The following CCDC7 variants were observed in gnomAD, a reference collection of about 807,000 sequenced individuals.
CCDC7 encodes coiled-coil domain containing 7.
In CCDC7, 183 loss-of-function variants were observed where a neutral mutation model predicts 196.9. That is an observed-to-expected ratio of 0.93 (90% CI 0.82 to 1.05). The LOEUF (loss-of-function observed/expected upper bound fraction) is 1.05, where lower values mean the gene tolerates loss of function less well. Ranked by LOEUF, CCDC7 falls within the 50% of genes least tolerant of loss-of-function variation. The probability of loss-of-function intolerance (pLI) is 0.00; values close to 1 mark genes in which losing one functional copy is unlikely to be tolerated. For synonymous variants in CCDC7, 525 were observed against 484.6 expected, an observed-to-expected ratio of 1.08 and a Z score of -1.10; for missense variants, 1,540 against 1,482.2, an observed-to-expected ratio of 1.04 and a Z score of -0.64.
chr10:32,783,463 T>G (rs929015394), intron 29 of CCDC7, among the ~76,000 whole-genome samples: 9 of 152,156 alleles, frequency 5.9e-5, no homozygotes, highest in African/African-American at 2.2e-4. Flanking sequence ...AAGATATCAC[T>G]TCATAGCCAT....
Position 32,845,643 on chromosome 10 carries a change from T to G in CCDC7, c.3520+17T>G. On this transcript the variant is annotated intron_variant, in intron 35 of 41. Transcript: ENST00000639629. ...GTCACCCAGGTAAGAGAAAACAATT[T>G]CAAGACTAATATTTATGGTTTATTT... 6.3e-7 allele frequency: 1 copy of G among 1,575,582 alleles called. No homozygotes were observed. The highest frequency in any genetic ancestry group is 2.2e-5 in the East Asian group (1 of 44,550).
At position 32,483,867 on chromosome 10, in the gene CCDC7, A is replaced by G. The variant is rs1258050649; in HGVS notation, c.797-8055A>G. Among the ~76,000 whole-genome samples, 2 of 152,066 alleles carry G rather than the reference A, an allele frequency of 1.3e-5. 1 individual carries two copies. The highest frequency in any genetic ancestry group is 4.2e-4 in the South Asian group (2 of 4,818). ...TCCATTGGTCTATATCTCTGTTTTG[A>G]TACCAGTACCATGCTGTTTTGGTTA... On this transcript the variant is annotated intron_variant, in intron 8 of 41. Transcript: ENST00000639629.
chr10:32,527,694 A>C (rs1181511460), intron 11 of CCDC7, among the ~76,000 whole-genome samples: 3 of 152,206 alleles, frequency 2.0e-5, no homozygotes, highest in Non-Finnish European at 4.4e-5. Context: ...CAGATGTGCG[A>C]AGGAGAACTG....
chr10:32,598,014 C>T (rs1474464895), intron 18 of CCDC7, among the ~76,000 whole-genome samples: 1 of 152,192 alleles, frequency 6.6e-6, no homozygotes. Flanking sequence ...CTGGGAGAAC[C>T]GCTACTCTCT....
At chr10:32,559,264 C>T (rs2054946250) in intron 13 of CCDC7, among the ~76,000 whole-genome samples, 1 of 152,252 alleles carries the variant, frequency 6.6e-6, no homozygotes, top group Non-Finnish European at 1.5e-5. Context: ...AACAAAAAGA[C>T]AGCAGTAACC....
chr10:32,788,587 C>T (rs1361460558), intron 29 of CCDC7, among the ~76,000 whole-genome samples: 2 of 152,178 alleles, frequency 1.3e-5, no homozygotes, highest in South Asian at 4.1e-4. Flanking sequence ...CTGGCTCTCA[C>T]AACTCCAGGC....
intron 31 of CCDC7, among the ~76,000 whole-genome samples, chr10:32,824,280 C>G (rs2090758693): frequency 6.6e-6 from 1 of 151,956 alleles, no homozygotes. Flanking sequence ...TTATTACTTG[C>G]TATATGGTCT....
chr10:32,503,871 C>T (rs2044448698), intron 9 of CCDC7, among the ~76,000 whole-genome samples: 1 of 146,426 alleles, frequency 6.8e-6, no homozygotes, highest in South Asian at 2.1e-4. Flanking sequence ...CCAGGAATTT[C>T]CTAATTTTCT....
chr10:32,696,481 GTT>G (rs111280727), intron 24 of CCDC7, among the ~76,000 whole-genome samples: 7 of 145,746 alleles, frequency 4.8e-5, no homozygotes, highest in Admixed American at 2.7e-4. Flanking sequence ...CTTGTTTTCT[GTT>G]TTTTTTTTTT....
intron 18 of CCDC7, among the ~76,000 whole-genome samples, chr10:32,604,787 T>G (rs751545125): frequency 6.6e-6 from 1 of 152,170 alleles, no homozygotes; most frequent in African/African-American, 2.4e-5. Context: ...TGCCATAAAT[T>G]TATTGAATTC....
chr10:32,532,771 A>T (rs879924706), intron 11 of CCDC7, among the ~76,000 whole-genome samples: 9 of 152,086 alleles, frequency 5.9e-5, no homozygotes, highest in Non-Finnish European at 1.0e-4. Flanking sequence ...AGTCTATTTT[A>T]TCTAAGTATA....
chr10:32,589,124 G>A (rs1362442089), intron 18 of CCDC7, among the ~76,000 whole-genome samples: 1 of 151,570 alleles, frequency 6.6e-6, no homozygotes, highest in East Asian at 1.9e-4. Flanking sequence ...CTGGTTTTGT[G>A]TACTCATCCT....
intron 8 of CCDC7, among the ~76,000 whole-genome samples, chr10:32,484,941 A>G (rs1174382142): frequency 6.6e-6 from 1 of 152,144 alleles, no homozygotes; most frequent in African/African-American, 2.4e-5. Context: ...TTCATCAGGG[A>G]TATTGGTCTA....
At chr10:32,758,745 A>G (rs1295627944) in intron 28 of CCDC7, among the ~76,000 whole-genome samples, 1 of 152,194 alleles carries the variant, frequency 6.6e-6, no homozygotes, top group African/African-American at 2.4e-5. Context: ...AGTTCTGGCC[A>G]GAGAAATCAG....
chr10:32,685,019 G>C (rs2076307265), intron 21 of CCDC7, among the ~76,000 whole-genome samples: 1 of 151,484 alleles, frequency 6.6e-6, no homozygotes, highest in Non-Finnish European at 1.5e-5. Flanking sequence ...AAATATGCGA[G>C]GTATACTTAG....
intron 25 of CCDC7, chr10:32,725,371 C>A (rs1317760034): frequency 6.4e-6 from 3 of 470,794 alleles, no homozygotes; most frequent in Non-Finnish European, 1.3e-5. Context: ...ACACTCTTGC[C>A]CAAGACTGAG....
At chr10:32,629,979 A>G (rs1464028912) in intron 18 of CCDC7, among the ~76,000 whole-genome samples, 1 of 152,226 alleles carries the variant, frequency 6.6e-6, no homozygotes, top group African/African-American at 2.4e-5. Context: ...GAAGCAAGCC[A>G]GGAAGAAAGG....
intron 24 of CCDC7, among the ~76,000 whole-genome samples, chr10:32,697,307 G>T (rs531085780): frequency 1.3e-5 from 2 of 152,314 alleles, no homozygotes; most frequent in South Asian, 4.1e-4. Context: ...GAGGTACCGA[G>T]TTCATCTCAC....
At chr10:32,730,341 T>C (rs924390232) in intron 28 of CCDC7, among the ~76,000 whole-genome samples, 2 of 152,146 alleles carry the variant, frequency 1.3e-5, no homozygotes, top group Admixed American at 1.3e-4. Context: ...TAGGTGCAAT[T>C]ATATCATTTT....
Sources: allele counts gnomAD v4.1 joint callset (sites outside exome capture counted in the v4.1 genomes callset), GRCh38; gene constraint gnomAD v4.1.1; transcripts MANE v1.5; gene names NCBI Gene and HGNC (gene_info 2026-07-23, HGNC 2026-07-21).